TMEM30A: variants seen among roughly 807,000 people sequenced by gnomAD.
TMEM30A encodes cell cycle control protein 50A.
Under a neutral mutation model 38.2 loss-of-function variants are expected in TMEM30A, and 24 were observed. That is an observed-to-expected ratio of 0.63 (90% confidence interval 0.46 to 0.88). The LOEUF is 0.88. TMEM30A is among the 40% of genes least tolerant of loss of function. The pLI is 0.00. For missense variants in TMEM30A, 370 were observed against 458.6 expected (o/e 0.81, Z 1.77); for synonymous variants, 145 against 161.6 (o/e 0.90, Z 0.78).
At chr6:75,273,452 AAAC>A (rs1169746062) in intron 1 of TMEM30A, among the ~76,000 whole-genome samples, 3 of 151,904 alleles carry the variant, frequency 2.0e-5, no homozygotes, top group African/African-American at 7.3e-5. Context: ...CTAACACAGA[AAAC>A]AACATTAAAA....
chr6:75,262,410 C>T (rs377197288), intron 3 of TMEM30A, among the ~76,000 whole-genome samples: 63 of 151,692 alleles, frequency 4.2e-4, no homozygotes, highest in African/African-American at 1.4e-3. Flanking sequence ...TTTGGGAGGC[C>T]GAGGCTGGTG....
At chr6:75,279,321 G>C (rs965738718) in intron 1 of TMEM30A, among the ~76,000 whole-genome samples, 17 of 152,212 alleles carry the variant, frequency 1.1e-4, no homozygotes, top group African/African-American at 3.9e-4. Context: ...AGGGTAGCCA[G>C]ACATAATGTC....
Position 75,255,971 on chromosome 6 carries a change from A to G in TMEM30A, c.*131T>C. ...CGTAGGGAAGAAGCAAACAACAAAG[A>G]CTGCTTTTTTTTAGAAAAGTTATGT... is the stretch of plus-strand genomic sequence containing the variant. On this transcript the variant is annotated 3_prime_UTR_variant, in exon 7 of 7. Transcript: ENST00000230461. The G allele has an allele frequency of 1.6e-6, 1 of 624,538 alleles. No homozygotes were observed. Among genetic ancestry groups the G allele is most frequent in the Non-Finnish European group, 2.7e-6 (1 of 371,910 alleles). 38.7% of individuals were successfully genotyped at this position (624,538 alleles called of 1,614,324 possible).
At chr6:75,259,295 C>T in intron 5 of TMEM30A, 52 bp downstream of exon 5, 2 of 1,528,018 alleles carry the variant, frequency 1.3e-6, no homozygotes, top group Non-Finnish European at 1.8e-6. Flanking sequence ...ATTTAAAATA[C>T]TTCATTAAAA....
Position 75,282,305 on chromosome 6 carries a change from G to A in TMEM30A, c.237+2097C>T, listed in dbSNP as rs138044258. Among the ~76,000 whole-genome samples, 103 of 152,142 alleles carry A rather than the reference G, an allele frequency of 6.8e-4. 1 individual carries two copies. Among genetic ancestry groups the A allele is most frequent in the East Asian group, 5.8e-3 (30 of 5,174 alleles). The stretch of plus-strand genomic sequence containing the variant: ...CTGCAGCAGATTCTTCAGGCAACTT[G>A]AAATCAGAATTACACATGAGAGCCA... On this transcript the variant is annotated intron_variant, in intron 1 of 6. Coordinates refer to ENST00000230461, the MANE Select transcript of TMEM30A (RefSeq NM_018247.4).
intron 1 of TMEM30A, among the ~76,000 whole-genome samples, chr6:75,274,502 C>T (rs1772227024): frequency 6.6e-6 from 1 of 152,142 alleles, no homozygotes; most frequent in African/African-American, 2.4e-5. Flanking sequence ...CCACAATAAT[C>T]CAGGTGAAAA....
Position 75,255,156 on chromosome 6 carries a change from C to G in TMEM30A, c.*946G>C, listed in dbSNP as rs934063970. 4 of 152,428 alleles carry G rather than the reference C, an allele frequency of 2.6e-5. No individual in the cohort carries two copies. The highest frequency in any genetic ancestry group is 4.4e-5 in the Non-Finnish European group (3 of 67,964). 9.4% of individuals were successfully genotyped at this position (152,428 alleles called of 1,614,324 possible). A position where few individuals can be genotyped will look rare whatever the true frequency, so the allele number is the denominator to read the frequency against. ...ATTTCTGGAATATTAGTACTTAAGT[C>G]AAAACACTTACCTGCAGAATAAAAA... On this transcript the variant is annotated 3_prime_UTR_variant, in exon 7 of 7. Transcript: ENST00000230461.
intron 2 of TMEM30A, among the ~76,000 whole-genome samples, 170 bp downstream of exon 2, chr6:75,267,471 G>A (rs1164296464): frequency 6.6e-6 from 1 of 152,088 alleles, no homozygotes; most frequent in African/African-American, 2.4e-5. Context: ...TTACCAGACA[G>A]CAAAATCCAA....
At chr6:75,264,635 CA>C (rs1772034020) in intron 3 of TMEM30A, among the ~76,000 whole-genome samples, 2 of 149,380 alleles carry the variant, frequency 1.3e-5, no homozygotes, top group South Asian at 4.2e-4. Flanking sequence ...GACTCTGTCT[CA>C]AAAAAATAAA....
chr6:75,275,852 G>A (rs1772251298), intron 1 of TMEM30A, among the ~76,000 whole-genome samples: 1 of 152,166 alleles, frequency 6.6e-6, no homozygotes, highest in African/African-American at 2.4e-5. Context: ...GTCTCTGAGT[G>A]ATGAGTGTCT....
intron 3 of TMEM30A, among the ~76,000 whole-genome samples, chr6:75,264,296 A>G (rs926905006): frequency 1.3e-5 from 2 of 152,192 alleles, no homozygotes; most frequent in Admixed American, 1.3e-4. Context: ...AGAAATCCTA[A>G]ATTGCTCTGG....
In TMEM30A at chr6:75,271,568, T is replaced by C. The variant is rs1329839178; in HGVS notation, c.238-3820A>G. ...TACAAGATACACACAAAAGCAATCATACGTTATACAGTTTACACAGCCTGT... is the reference window on the plus strand; with the variant it reads ...TACAAGATACACACAAAAGCAATCACACGTTATACAGTTTACACAGCCTGT... On this transcript the variant is annotated intron_variant, in intron 1 of 6. Transcript: ENST00000230461. Among the ~76,000 whole-genome samples, 4 of 152,210 alleles carry C rather than the reference T, an allele frequency of 2.6e-5. No individual in the cohort carries two copies. The South Asian group carries it at 8.3e-4, about 31-fold the overall frequency.
intron 1 of TMEM30A, among the ~76,000 whole-genome samples, chr6:75,278,327 CTT>C (rs1433137174): frequency 6.6e-6 from 1 of 152,188 alleles, no homozygotes; most frequent in Non-Finnish European, 1.5e-5. Context: ...TCTATTCTAT[CTT>C]TTTTTCACAA....
In TMEM30A at chr6:75,284,576, G is replaced by GC. The variant is rs758874256; in HGVS notation, c.62dup (p.Thr22HisfsTer9). ...TATCCGGTCTCCGAGTCTTCGCGGT[G>GC]CCCCCCGGAGCACACGGGGGCCCAC... On this transcript the variant is annotated frameshift_variant, in exon 1 of 7. Coordinates refer to ENST00000230461, the MANE Select transcript of TMEM30A (RefSeq NM_018247.4). LOFTEE classifies it high-confidence loss of function. 1.2e-6 allele frequency: 2 copies of GC among 1,613,396 alleles called. No homozygotes were observed.
intron 1 of TMEM30A, among the ~76,000 whole-genome samples, chr6:75,283,802 A>G (rs1297832940): frequency 6.6e-6 from 1 of 152,254 alleles, no homozygotes; most frequent in Non-Finnish European, 1.5e-5. Flanking sequence ...ATATCGAATT[A>G]GCTCAAAATG....
intron 1 of TMEM30A, 41 bp downstream of exon 1, chr6:75,284,361 C>G (rs777776364): frequency 6.3e-7 from 1 of 1,593,042 alleles, no homozygotes; most frequent in African/African-American, 1.3e-5. Context: ...GGACCCTCCT[C>G]CCGAGCAACG....
In TMEM30A at chr6:75,284,673, G is replaced by A. The variant is rs1772434239; in HGVS notation, c.-35C>T. The A allele has an allele frequency of 6.2e-7, 1 of 1,603,346 alleles. No individual in the cohort carries two copies. Among genetic ancestry groups the A allele is most frequent in the Non-Finnish European group, 8.5e-7 (1 of 1,175,068 alleles). On this transcript the variant is annotated 5_prime_UTR_variant, in exon 1 of 7. Transcript: ENST00000230461. Reference sequence around the variant, plus strand: ...GGGCGCCGCTCCGCGATTTGCAGGTGGACCACCCAGGGGGCCCGCCGGCTG... The same window carrying A: ...GGGCGCCGCTCCGCGATTTGCAGGTAGACCACCCAGGGGGCCCGCCGGCTG...
At chr6:75,257,903 C>G (rs1406445549) in intron 6 of TMEM30A, among the ~76,000 whole-genome samples, 1 of 152,186 alleles carries the variant, frequency 6.6e-6, no homozygotes, top group African/African-American at 2.4e-5. Context: ...TCTTCACTCA[C>G]AGTGTATGTA....
rs949001180 is a variant in TMEM30A, at chr6:75,260,756, T to C, written c.541+68A>G. Reference sequence around the variant, plus strand: ...AATTTCATTCATGTTTACTAAACTATCAAATCTGTAATGAAATTATGCAAA... The same window carrying C: ...AATTTCATTCATGTTTACTAAACTACCAAATCTGTAATGAAATTATGCAAA... On this transcript the variant is annotated intron_variant, in intron 4 of 6. Transcript: ENST00000230461. 1.3e-5 allele frequency: 13 copies of C among 997,808 alleles called. 1 individual carries two copies. The highest frequency in any genetic ancestry group is 1.1e-4 in the Admixed American group (4 of 35,196). The allele number at this position is 997,808 out of a possible 1,614,324, so 61.8% of individuals were successfully genotyped here. A position where few individuals can be genotyped will look rare whatever the true frequency, so the allele number is the denominator to read the frequency against.
Sources: gnomAD v4.1 joint callset for allele counts (sites outside exome capture counted in the v4.1 genomes callset) on GRCh38, gnomAD v4.1.1 for gene constraint, MANE v1.5 for transcripts, NCBI Gene and HGNC (gene_info 2026-07-23, HGNC 2026-07-21) for gene names.